The following DLEU7 variants were observed in gnomAD, a reference collection of about 807,000 sequenced individuals.
DLEU7 encodes leukemia-associated protein 7.
Under a neutral mutation model 16.0 loss-of-function variants are expected in DLEU7, and 17 were observed. The ratio of observed to expected loss-of-function variants is 1.06; its 90% CI spans 0.73 to 1.59. The LOEUF is 1.59. DLEU7 is among the 40% of genes most tolerant of loss of function. DLEU7 has a pLI of 0.00. For missense variants in DLEU7, 308 were observed against 314.9 expected, an observed-to-expected ratio of 0.98 and a Z score of 0.17; for synonymous variants, 113 against 139.8, an observed-to-expected ratio of 0.81 and a Z score of 1.35.
rs150219537 is a variant in DLEU7 at position 50,834,292 on chromosome 13, C to A, written c.459+8896G>T. On this transcript the variant is annotated intron_variant, in intron 1 of 1. Transcript: ENST00000504404. Reference sequence around the variant, plus strand: ...GAGAAAATTTTTGCAATCTATCCATCCAACAAAGGGCTAATATCCACAATC... The same window carrying A: ...GAGAAAATTTTTGCAATCTATCCATACAACAAAGGGCTAATATCCACAATC... 8.7e-4 allele frequency among the ~76,000 whole-genome samples: 133 copies of A among 152,218 alleles called. 1 individual carries two copies. The Middle Eastern group carries it at 0.01, about 12-fold the overall frequency.
chr13:50,836,857 C>T (rs1275423765), intron 1 of DLEU7, among the ~76,000 whole-genome samples: 1 of 152,118 alleles, frequency 6.6e-6, no homozygotes, highest in Non-Finnish European at 1.5e-5. Flanking sequence ...CCCATTAGCA[C>T]CCTCTACACT....
intron 1 of DLEU7, among the ~76,000 whole-genome samples, chr13:50,836,610 C>T (rs138265153): frequency 0.013 from 1,919 of 151,642 alleles, 41 homozygotes; most frequent in African/African-American, 0.044. Flanking sequence ...GGAGGCAGAG[C>T]TTGCAGTGAG....
At chr13:50,741,331 A>G (rs999216586) in intron 1 of DLEU7, among the ~76,000 whole-genome samples, 2 of 152,174 alleles carry the variant, frequency 1.3e-5, no homozygotes, top group Admixed American at 6.5e-5. Context: ...TGGAACATCT[A>G]TTCTGAAGAT....
At chr13:50,758,560 C>CTGGGGCTG (rs1350208539) in intron 1 of DLEU7, among the ~76,000 whole-genome samples, 1 of 152,200 alleles carries the variant, frequency 6.6e-6, no homozygotes. Flanking sequence ...TCACTTAGGG[C>CTGGGGCTG]TGGGGCTGTG....
chr13:50,711,037 A>T (rs1873269642), downstream of DLEU7: 1 of 152,198 alleles, frequency 6.6e-6, no homozygotes, highest in Non-Finnish European at 1.5e-5. Context: ...AACCATAAGG[A>T]GAAACCAACA....
downstream of DLEU7, chr13:50,711,357 A>G (rs1457776100): frequency 5.3e-5 from 8 of 152,350 alleles, no homozygotes; most frequent in East Asian, 1.5e-3. Flanking sequence ...TGGTCCTTAT[A>G]TATTCATCTA....
chr13:50,837,360 G>T (rs1183099453), intron 1 of DLEU7, among the ~76,000 whole-genome samples: 1 of 152,132 alleles, frequency 6.6e-6, no homozygotes, highest in African/African-American at 2.4e-5. Context: ...AAGTAGTTTT[G>T]TTTTAGGCCT....
chr13:50,802,054 G>A (rs1229845394), intron 1 of DLEU7, among the ~76,000 whole-genome samples: 1 of 140,894 alleles, frequency 7.1e-6, no homozygotes, highest in African/African-American at 2.7e-5. Context: ...GGGTAGTCAG[G>A]ACTTGGAACC....
At chr13:50,798,966 C>T (rs1273866793) in intron 1 of DLEU7, among the ~76,000 whole-genome samples, 1 of 152,156 alleles carries the variant, frequency 6.6e-6, no homozygotes, top group Non-Finnish European at 1.5e-5. Flanking sequence ...CCTCTTTCAC[C>T]CAAGCTGGAG....
intron 1 of DLEU7, among the ~76,000 whole-genome samples, chr13:50,749,962 GT>G (rs1874517191): frequency 6.6e-6 from 1 of 152,078 alleles, no homozygotes; most frequent in South Asian, 2.1e-4. Flanking sequence ...ATTTATCTTT[GT>G]TTTTATTGCA....
At chr13:50,820,494 T>G (rs1354517183), downstream of DLEU7, among the ~76,000 whole-genome samples, 2 of 152,088 alleles carry the variant, frequency 1.3e-5, no homozygotes, top group Non-Finnish European at 2.9e-5. Context: ...GCAGCCCTGC[T>G]TATAACAGAA....
chr13:50,746,097 T>C (rs1874385480), intron 1 of DLEU7, among the ~76,000 whole-genome samples: 1 of 152,164 alleles, frequency 6.6e-6, no homozygotes, highest in African/African-American at 2.4e-5. Context: ...ATTCACACAA[T>C]GGAGATAATA....
intron 1 of DLEU7, among the ~76,000 whole-genome samples, chr13:50,809,156 C>T (rs942282015): frequency 6.6e-6 from 1 of 152,126 alleles, no homozygotes; most frequent in African/African-American, 2.4e-5. Flanking sequence ...CACCAACCGG[C>T]AGCCCCATAG....
chr13:50,735,771 A>G (rs1484305574), intron 1 of DLEU7, among the ~76,000 whole-genome samples: 2 of 152,242 alleles, frequency 1.3e-5, no homozygotes, highest in Middle Eastern at 3.4e-3. Context: ...AATATCACCA[A>G]TCGTTAGAGA....
chr13:50,743,283 C>G (rs1593537359), intron 1 of DLEU7, among the ~76,000 whole-genome samples: 1 of 152,090 alleles, frequency 6.6e-6, no homozygotes, highest in South Asian at 2.1e-4. Flanking sequence ...CCTGTGGGAC[C>G]AAGCAGGTTT....
At chr13:50,727,191 G>A (rs1233864411) in intron 1 of DLEU7, among the ~76,000 whole-genome samples, 2 of 150,834 alleles carry the variant, frequency 1.3e-5, no homozygotes, top group Non-Finnish European at 3.0e-5. Flanking sequence ...AAAAGAATAA[G>A]AAGTTCTGTA....
At chr13:50,790,077 C>A (rs1269871810) in intron 1 of DLEU7, among the ~76,000 whole-genome samples, 1 of 152,008 alleles carries the variant, frequency 6.6e-6, no homozygotes, top group Non-Finnish European at 1.5e-5. Flanking sequence ...GGATTACAGG[C>A]ACGTGGCACC....
At chr13:50,832,432 C>T (rs753732734) in intron 1 of DLEU7, among the ~76,000 whole-genome samples, 1 of 152,168 alleles carries the variant, frequency 6.6e-6, no homozygotes, top group Non-Finnish European at 1.5e-5. Flanking sequence ...AAAAAACCAG[C>T]TCCTGGATTC....
intron 1 of DLEU7, among the ~76,000 whole-genome samples, chr13:50,840,288 A>G (rs1877604743): frequency 1.3e-5 from 2 of 152,230 alleles, no homozygotes; most frequent in African/African-American, 4.8e-5. Flanking sequence ...TAACACTAGT[A>G]TTAAGGAAGC....
Sources: allele counts gnomAD v4.1 joint callset (sites outside exome capture counted in the v4.1 genomes callset), GRCh38; gene constraint gnomAD v4.1.1; transcripts MANE v1.5; gene names NCBI Gene and HGNC (gene_info 2026-07-23, HGNC 2026-07-21).